SAMD12: variants seen among roughly 807,000 people sequenced by gnomAD.
SAMD12 encodes the protein sterile alpha motif domain containing 12.
A neutral mutation model predicts 15.0 loss-of-function variants in SAMD12; 9 were observed. The observed-to-expected ratio is 0.60, with a 90% CI of 0.36 to 1.05. The LOEUF is 1.05. Among genes scored for constraint, SAMD12 ranks in the 50% least tolerant of loss-of-function variants. The pLI is 0.01. For synonymous variants in SAMD12, 86 were observed against 90.1 expected, an observed-to-expected ratio of 0.96 and a Z score of 0.25; for missense variants, 230 against 234.2, an observed-to-expected ratio of 0.98 and a Z score of 0.12.
chr8:118,300,591 A>G (rs1037767776), intron 4 of SAMD12, among the ~76,000 whole-genome samples: 8 of 152,200 alleles, frequency 5.3e-5, no homozygotes, highest in Admixed American at 2.0e-4. Context: ...TCCCACATCA[A>G]TAGCATTGGA....
At chr8:118,354,544 T>C (rs1050338733) in intron 4 of SAMD12, among the ~76,000 whole-genome samples, 6 of 152,244 alleles carry the variant, frequency 3.9e-5, no homozygotes, top group African/African-American at 1.4e-4. Context: ...GAATTACTGA[T>C]GCTATGCTCT....
At chr8:118,433,057 A>AAGGGGAC (rs1410983290) in intron 3 of SAMD12, among the ~76,000 whole-genome samples, 125 of 152,298 alleles carry the variant, frequency 8.2e-4, no homozygotes, top group African/African-American at 2.9e-3. Context: ...ATGTACCTAT[A>AAGGGGAC]TTGTAAGGGG....
intron 2 of SAMD12, among the ~76,000 whole-genome samples, chr8:118,471,076 C>T (rs753209503): frequency 7.2e-5 from 11 of 152,170 alleles, no homozygotes; most frequent in Non-Finnish European, 1.3e-4. Context: ...ATCAATTATA[C>T]ATTATGTCTC....
chr8:118,538,248 T>G (rs1442779877), intron 2 of SAMD12, among the ~76,000 whole-genome samples: 1 of 152,152 alleles, frequency 6.6e-6, no homozygotes, highest in Non-Finnish European at 1.5e-5. Flanking sequence ...AGCACTCCCT[T>G]GGCTGCCTCA....
chr8:118,412,998 G>A (rs1324660511), intron 3 of SAMD12, among the ~76,000 whole-genome samples: 1 of 152,026 alleles, frequency 6.6e-6, no homozygotes, highest in Non-Finnish European at 1.5e-5. Flanking sequence ...CTCTTCTCTG[G>A]CACCTCCACA....
the SAMD12 span, among the ~76,000 whole-genome samples, chr8:118,132,972 G>GTGTGTGTATA: frequency 2.1e-5 from 1 of 48,252 alleles, no homozygotes; most frequent in African/African-American, 7.2e-5. Context: ...GTGTGTGTGT[G>GTGTGTGTATA]TATATATATA....
intron 3 of SAMD12, among the ~76,000 whole-genome samples, chr8:118,386,129 A>G (rs55787225): frequency 0.18 from 27,359 of 152,198 alleles, 2,734 homozygotes; most frequent in South Asian, 0.25. Flanking sequence ...ACAAACTATC[A>G]CAAACACAGG....
chr8:118,432,387 T>C (rs1019540590), intron 3 of SAMD12, among the ~76,000 whole-genome samples: 2 of 152,152 alleles, frequency 1.3e-5, no homozygotes, highest in East Asian at 1.9e-4. Context: ...ATCCAATAAA[T>C]AGTCCACTAG....
intron 4 of SAMD12, among the ~76,000 whole-genome samples, chr8:118,222,499 A>G (rs1812104326): frequency 6.6e-6 from 1 of 152,086 alleles, no homozygotes; most frequent in Admixed American, 6.5e-5. Flanking sequence ...TGTGTGAGGA[A>G]GTGCTTTTTA....
chr8:118,463,123 A>G (rs1823483513), intron 2 of SAMD12, among the ~76,000 whole-genome samples: 1 of 149,902 alleles, frequency 6.7e-6, no homozygotes, highest in Admixed American at 6.6e-5. Context: ...AAAAAAAAAA[A>G]AAAGTGAAGG....
chr8:118,154,144 G>GCACACA, the SAMD12 span, among the ~76,000 whole-genome samples: 34,751 of 149,456 alleles, frequency 0.23, 4,769 homozygotes, highest in Non-Finnish European at 0.31. Flanking sequence ...ACACACAAGT[G>GCACACA]CACACACACA....
At chr8:118,455,270 T>G (rs1447844546) in intron 2 of SAMD12, among the ~76,000 whole-genome samples, 2 of 89,932 alleles carry the variant, frequency 2.2e-5, no homozygotes, top group African/African-American at 2.6e-4. Flanking sequence ...CTTTCACACC[T>G]CTCTCTCTCT....
At chr8:118,305,605 C>G (rs77588660) in intron 4 of SAMD12, among the ~76,000 whole-genome samples, 2,467 of 152,252 alleles carry the variant, frequency 0.016, 47 homozygotes, top group African/African-American at 0.041. Flanking sequence ...GTACCAGTAT[C>G]TGTTTGAGTC....
chr8:118,575,639 G>A (rs1827128640), intron 2 of SAMD12, among the ~76,000 whole-genome samples: 1 of 152,124 alleles, frequency 6.6e-6, no homozygotes, highest in East Asian at 1.9e-4. Context: ...AAAGGTACAG[G>A]GGAGGCATGC....
At chr8:118,528,903 T>C (rs1029457322) in intron 2 of SAMD12, among the ~76,000 whole-genome samples, 2 of 152,138 alleles carry the variant, frequency 1.3e-5, no homozygotes, top group African/African-American at 4.8e-5. Flanking sequence ...GCACTGCCTC[T>C]GTGACCTCAA....
Position 118,390,198 on chromosome 8 carries a change from C to T in SAMD12, c.323-10498G>A, listed in dbSNP as rs142128736. Reference sequence around the variant, plus strand: ...ATGTTTTTGTATTTTTTAGTAGAGACGGGGTTTCACCATGTTAGCCAGGAT... The same window carrying T: ...ATGTTTTTGTATTTTTTAGTAGAGATGGGGTTTCACCATGTTAGCCAGGAT... On this transcript the variant is annotated intron_variant, in intron 3 of 3. Transcript: ENST00000314727. Among the ~76,000 whole-genome samples, 464 of 152,108 alleles carry T rather than the reference C, an allele frequency of 3.1e-3. 4 individuals are homozygous for T. The highest frequency in any genetic ancestry group is 0.01 in the African/African-American group (433 of 41,512).
intron 4 of SAMD12, among the ~76,000 whole-genome samples, chr8:118,226,172 C>T (rs1217027246): frequency 6.6e-6 from 1 of 152,122 alleles, no homozygotes; most frequent in African/African-American, 2.4e-5. Flanking sequence ...AATGTTGTCC[C>T]CATTTAACAC....
intron 2 of SAMD12, among the ~76,000 whole-genome samples, chr8:118,463,680 G>A (rs1477795292): frequency 6.6e-6 from 1 of 152,156 alleles, no homozygotes; most frequent in Admixed American, 6.5e-5. Context: ...AAAAACCCAG[G>A]TGGCAAAATC....
intron 1 of SAMD12, among the ~76,000 whole-genome samples, chr8:118,610,544 C>T (rs1454304862): frequency 6.6e-6 from 1 of 152,204 alleles, no homozygotes; most frequent in African/African-American, 2.4e-5. Flanking sequence ...GAGAAAAACT[C>T]ATAGAGCTCA....
Sources: allele counts gnomAD v4.1 joint callset (sites outside exome capture counted in the v4.1 genomes callset), GRCh38; gene constraint gnomAD v4.1.1; transcripts MANE v1.5; gene names NCBI Gene and HGNC (gene_info 2026-07-23, HGNC 2026-07-21).